PCDH9: variants seen among roughly 807,000 people sequenced by gnomAD.
The protein encoded by PCDH9 is protocadherin-9.
In PCDH9, 24 loss-of-function variants were observed where a neutral mutation model predicts 70.6. That is an observed-to-expected ratio of 0.34 (90% CI 0.25 to 0.48). The LOEUF (loss-of-function observed/expected upper bound fraction) is 0.48. Ranked by LOEUF, PCDH9 falls within the 20% of genes least tolerant of loss-of-function variation. PCDH9 has a pLI of 0.99. For synonymous variants in PCDH9, 562 were observed against 558.5 expected, an observed-to-expected ratio of 1.01 and a Z score of -0.09; for missense variants, 1,281 against 1,503.6, an observed-to-expected ratio of 0.85 and a Z score of 2.45.
At chr13:66,837,241 T>C (rs1193921278) in intron 3 of PCDH9, among the ~76,000 whole-genome samples, 3 of 152,222 alleles carry the variant, frequency 2.0e-5, no homozygotes, top group Non-Finnish European at 1.5e-5. Flanking sequence ...TCTTTTGAGT[T>C]TCTCTTTATT....
At chr13:66,336,973 A>G (rs913212750) in intron 4 of PCDH9, among the ~76,000 whole-genome samples, 1 of 152,048 alleles carries the variant, frequency 6.6e-6, no homozygotes, top group African/African-American at 2.4e-5. Context: ...TATAGAAGAT[A>G]CTGTTAAATA....
intron 3 of PCDH9, among the ~76,000 whole-genome samples, chr13:66,861,851 AAAG>A (rs2081489981): frequency 6.6e-6 from 1 of 152,238 alleles, no homozygotes; most frequent in Admixed American, 6.5e-5. Flanking sequence ...ATCACAGGAC[AAAG>A]AAAGAAATTC....
At chr13:67,078,512 C>T (rs1423131333) in intron 2 of PCDH9, among the ~76,000 whole-genome samples, 2 of 152,136 alleles carry the variant, frequency 1.3e-5, no homozygotes, top group East Asian at 3.9e-4. Context: ...TGTTTCTCAA[C>T]TCTGTCTTTG....
chr13:66,516,036 T>C (rs1190131262), intron 4 of PCDH9, among the ~76,000 whole-genome samples: 1 of 152,026 alleles, frequency 6.6e-6, no homozygotes, highest in African/African-American at 2.4e-5. Flanking sequence ...TTTTCAGAGT[T>C]TTTTCTTAAC....
intron 3 of PCDH9, among the ~76,000 whole-genome samples, chr13:66,773,076 T>C (rs1248776775): frequency 1.3e-5 from 2 of 152,216 alleles, no homozygotes; most frequent in East Asian, 3.8e-4. Context: ...ATATGATGTA[T>C]CCATTCAACT....
chr13:66,746,675 A>C (rs2079369464), intron 3 of PCDH9, among the ~76,000 whole-genome samples: 1 of 152,182 alleles, frequency 6.6e-6, no homozygotes, highest in Non-Finnish European at 1.5e-5. Flanking sequence ...CCTAAAAGTT[A>C]ACGTGTCATC....
At chr13:66,579,127 T>C (rs2076855184) in intron 4 of PCDH9, among the ~76,000 whole-genome samples, 1 of 152,100 alleles carries the variant, frequency 6.6e-6, no homozygotes, top group Admixed American at 6.6e-5. Flanking sequence ...ATTCTACAGG[T>C]ACGTGGTTCC....
intron 3 of PCDH9, among the ~76,000 whole-genome samples, chr13:66,799,099 G>A (rs775094151): frequency 1.1e-4 from 16 of 152,256 alleles, no homozygotes; most frequent in South Asian, 2.1e-4. Context: ...GATTACAGGC[G>A]TGAGCCACCA....
intron 1 of PCDH9, among the ~76,000 whole-genome samples, 178 bp from the exon 2 acceptor site, chr13:67,228,753 G>T (rs1361564487): frequency 6.6e-6 from 1 of 152,094 alleles, no homozygotes; most frequent in Non-Finnish European, 1.5e-5. Context: ...TGCATTTGCC[G>T]GGAGAAAATA....
chr13:66,391,319 T>A (rs1014706952), intron 4 of PCDH9, among the ~76,000 whole-genome samples: 3 of 152,216 alleles, frequency 2.0e-5, no homozygotes, highest in Non-Finnish European at 4.4e-5. Flanking sequence ...AAATATATTC[T>A]TCATGTGGAT....
chr13:66,585,658 A>C (rs577752305), intron 4 of PCDH9, among the ~76,000 whole-genome samples: 1 of 152,208 alleles, frequency 6.6e-6, no homozygotes, highest in Non-Finnish European at 1.5e-5. Context: ...ATCTAATGAC[A>C]CTAACACTAG....
At chr13:66,793,503 TACC>T (rs2080193180) in intron 3 of PCDH9, among the ~76,000 whole-genome samples, 1 of 152,160 alleles carries the variant, frequency 6.6e-6, no homozygotes, top group African/African-American at 2.4e-5. Flanking sequence ...TCACTTACAT[TACC>T]ACTTCAATGA....
intron 3 of PCDH9, among the ~76,000 whole-genome samples, chr13:66,774,620 G>T (rs1429021574): frequency 6.6e-6 from 1 of 152,044 alleles, no homozygotes; most frequent in Admixed American, 6.6e-5. Context: ...CTTCATCAAG[G>T]TACCCACATT....
intron 4 of PCDH9, among the ~76,000 whole-genome samples, chr13:66,550,389 C>T (rs1277799207): frequency 6.6e-6 from 1 of 151,864 alleles, no homozygotes; most frequent in Non-Finnish European, 1.5e-5. Flanking sequence ...CTGGTTTTTC[C>T]CTAATATCTC....
chr13:66,530,588 C>T (rs1290339622), intron 4 of PCDH9, among the ~76,000 whole-genome samples: 3 of 151,804 alleles, frequency 2.0e-5, no homozygotes, highest in African/African-American at 7.3e-5. Flanking sequence ...TAAACAAATG[C>T]TATTTACAAT....
rs1955414941 is a variant in PCDH9 at position 66,303,981 on chromosome 13, C to T, written c.*674G>A. 2 of 152,114 alleles carry T rather than the reference C, an allele frequency of 1.3e-5. No individual in the cohort carries two copies. Among genetic ancestry groups the T allele is most frequent in the Admixed American group, 1.3e-4 (2 of 15,188 alleles). 9.4% of individuals were successfully genotyped at this position (152,114 alleles called of 1,614,324 possible). Reference sequence around the variant, plus strand: ...ACAGACTACTAACACAGAAACACCTCACTGAAAGAAACAACAAAAATAACA... The same window carrying T: ...ACAGACTACTAACACAGAAACACCTTACTGAAAGAAACAACAAAAATAACA... On this transcript the variant is annotated 3_prime_UTR_variant, in exon 5 of 5. Transcript: ENST00000377865.
intron 2 of PCDH9, among the ~76,000 whole-genome samples, chr13:67,149,625 T>A (rs2087609025): frequency 6.6e-6 from 1 of 152,166 alleles, no homozygotes; most frequent in African/African-American, 2.4e-5. Flanking sequence ...TGATTTTTTA[T>A]GATTACTAGT....
At chr13:66,453,998 A>C (rs1454017540) in intron 4 of PCDH9, among the ~76,000 whole-genome samples, 1 of 151,986 alleles carries the variant, frequency 6.6e-6, no homozygotes, top group Admixed American at 6.6e-5. Flanking sequence ...TAACTCTTTT[A>C]CTTTTGAATA....
At chr13:66,442,266 G>A (rs1957989062) in intron 4 of PCDH9, among the ~76,000 whole-genome samples, 1 of 152,084 alleles carries the variant, frequency 6.6e-6, no homozygotes, top group Non-Finnish European at 1.5e-5. Context: ...AGTCCCTGGA[G>A]AACATCCAAA....
Sources: allele counts gnomAD v4.1 joint callset (sites outside exome capture counted in the v4.1 genomes callset), GRCh38; gene constraint gnomAD v4.1.1; transcripts MANE v1.5; gene names NCBI Gene and HGNC (gene_info 2026-07-23, HGNC 2026-07-21).